TDRD9: variants seen among roughly 807,000 people sequenced by gnomAD.
TDRD9 encodes the protein ATP-dependent RNA helicase TDRD9.
In TDRD9, 124 loss-of-function variants were observed where a neutral mutation model predicts 172.6. That is an observed-to-expected ratio of 0.72 (90% CI 0.62 to 0.83). TDRD9 has a LOEUF of 0.83. TDRD9 is among the 40% of genes least tolerant of loss of function. TDRD9 has a pLI of 0.00. For synonymous variants in TDRD9, 619 were observed against 617.1 expected, an observed-to-expected ratio of 1.00 and a Z score of -0.05; for missense variants, 1,479 against 1,714.1, an observed-to-expected ratio of 0.86 and a Z score of 2.42.
Position 103,928,660 on chromosome 14 carries a change from G to A in TDRD9, c.151G>A (p.Gly51Ser), listed in dbSNP as rs965959884. The change falls in exon 1 of 36, where the codon GGT (glycine) becomes AGT (serine). Residue 51 changes from glycine to serine, a missense_variant. By Grantham distance (56) the Gly-to-Ser change is moderately conservative. This residue lies in a region of TDRD9 where 1,413 missense variants were observed against 1,649.1 expected (regional missense o/e 0.86). Transcript: ENST00000409874. ...VQRQDVAPGA[G>S]PAAQAPALAQ... ...GCGCCAGGACGTGGCCCCCGGCGCT[G>A]GTCCCGCGGCCCAGGCTCCGGCTCT... is the stretch of plus-strand genomic sequence containing the variant. The A allele has an allele frequency of 4.8e-6, 6 of 1,243,544 alleles. 1 individual carries two copies. In the Middle Eastern group the frequency reaches 1.2e-3, roughly 256 times the overall value. 77.0% of individuals were successfully genotyped at this position (1,243,544 alleles called of 1,614,324 possible).
chr14:103,994,693 G>A (rs1219452188), intron 11 of TDRD9, 90 bp downstream of exon 11: 5 of 1,051,744 alleles, frequency 4.8e-6, no homozygotes, highest in Non-Finnish European at 5.7e-6. Context: ...GGGTGTCGTG[G>A]CTCATGCGTG....
chr14:103,932,262 G>A (rs2030438860), intron 1 of TDRD9, among the ~76,000 whole-genome samples: 1 of 152,214 alleles, frequency 6.6e-6, no homozygotes, highest in Non-Finnish European at 1.5e-5. Flanking sequence ...GCCGACCTGT[G>A]AACCCCGCAC....
intron 19 of TDRD9, among the ~76,000 whole-genome samples, chr14:104,007,513 A>G (rs1454514225): frequency 6.6e-6 from 1 of 152,052 alleles, no homozygotes; most frequent in Admixed American, 6.5e-5. Flanking sequence ...GCTGTATTTC[A>G]TAGCTGTGGG....
rs1306071516 is a variant in TDRD9 at position 103,980,516 on chromosome 14, C to T, written c.1011+4963C>T. On this transcript the variant is annotated intron_variant, in intron 7 of 35. Transcript: ENST00000409874. This position sits in a 1 kb window ranked among gnomAD's most constrained non-coding sequence, Gnocchi z 4.5. ...GCCACTGCTATCTAAAAGGCAGAGCCAGGTGTACAGGATGGAACATGAAAG... is the reference window on the plus strand; with the variant it reads ...GCCACTGCTATCTAAAAGGCAGAGCTAGGTGTACAGGATGGAACATGAAAG... Among the ~76,000 whole-genome samples, 3 of 152,176 alleles carry T rather than the reference C, an allele frequency of 2.0e-5. No homozygotes were observed. Among genetic ancestry groups the T allele is most frequent in the Non-Finnish European group, 2.9e-5 (2 of 68,026 alleles).
At chr14:104,034,180 A>ATTAT in intron 31 of TDRD9, 111 bp downstream of exon 31, 1 of 345,188 alleles carries the variant, frequency 2.9e-6, no homozygotes. Context: ...ACTATGTACT[A>ATTAT]TTCTTTTTTT....
At chr14:103,941,085 T>C in intron 1 of TDRD9, 1 of 1,533,546 alleles carries the variant, frequency 6.5e-7, no homozygotes, top group African/African-American at 1.4e-5. Context: ...CATCATTTTC[T>C]GCCAAAACTT....
intron 7 of TDRD9, among the ~76,000 whole-genome samples, chr14:103,983,960 G>T (rs1229090865): frequency 6.6e-6 from 1 of 152,172 alleles, no homozygotes; most frequent in Non-Finnish European, 1.5e-5. Flanking sequence ...CTGGAGTAAA[G>T]GTGACTCTTG....
intron 1 of TDRD9, chr14:103,941,075 C>T (rs1157919859): frequency 2.0e-6 from 3 of 1,534,162 alleles, no homozygotes; most frequent in Non-Finnish European, 2.6e-6. Flanking sequence ...CATGGCAGTA[C>T]ATCATTTTCT....
intron 5 of TDRD9, among the ~76,000 whole-genome samples, chr14:103,967,469 G>T (rs10139210): frequency 0.022 from 3,358 of 151,992 alleles, 141 homozygotes; most frequent in Admixed American, 0.12. Flanking sequence ...AGGTTGCAGT[G>T]AGCTGAGTTT....
intron 4 of TDRD9, 147 bp downstream of exon 4, chr14:103,965,701 T>G (rs913476797): frequency 1.3e-6 from 1 of 740,890 alleles, no homozygotes; most frequent in Non-Finnish European, 2.2e-6. Flanking sequence ...TCCCAGCACT[T>G]TGGGAGACCG....
chr14:104,015,984 G>A lies in TDRD9; in HGVS notation c.2227G>A (p.Val743Ile). ...TGAAAATAAATTTCTTTTTCAGGTT[G>A]TATTGGCAGGTGCTTTCTATCCAAA... ...IYKQRFILQVVLAGAFYPNYF... is the reference protein window; with the variant it reads ...IYKQRFILQVILAGAFYPNYF... The change falls in exon 22 of 36, where the codon GTA (valine) becomes ATA (isoleucine). Residue 743 changes from valine to isoleucine, a missense_variant. Coordinates refer to ENST00000409874, the MANE Select transcript of TDRD9 (RefSeq NM_153046.3). 6.3e-7 allele frequency: 1 copy of A among 1,585,070 alleles called. No individual in the cohort carries two copies. The highest frequency in any genetic ancestry group is 8.6e-7 in the Non-Finnish European group (1 of 1,165,428).
intron 7 of TDRD9, among the ~76,000 whole-genome samples, chr14:103,978,781 G>GT (rs202132035): frequency 0.016 from 2,496 of 151,870 alleles, 69 homozygotes; most frequent in African/African-American, 0.057. Flanking sequence ...TCTGTTTAAT[G>GT]TTTTTTTTAA....
chr14:103,987,235 A>T (rs1373932043), intron 8 of TDRD9, among the ~76,000 whole-genome samples: 1 of 151,954 alleles, frequency 6.6e-6, no homozygotes, highest in African/African-American at 2.4e-5. Context: ...CCAGGATGTC[A>T]TGTAGTTGGG....
rs751822924 is a variant in TDRD9, at chr14:104,026,951, C to T, written c.3282+12C>T. The T allele has an allele frequency of 1.1e-5, 18 of 1,610,248 alleles. No individual in the cohort carries two copies. The East Asian group carries it at 3.4e-4, about 30-fold the overall frequency. The stretch of plus-strand genomic sequence containing the variant: ...CCTACGAGTCCAAGGTGTGTGCTTT[C>T]GCCGTTGCTGGAGCACGCGTTTGTG... On this transcript the variant is annotated intron_variant, in intron 28 of 35. Transcript: ENST00000409874.
In TDRD9 at chr14:103,995,742, T is replaced by C; in HGVS notation, c.1321-8T>C. On this transcript the variant is annotated splice_region_variant and splice_polypyrimidine_tract_variant and intron_variant, in intron 11 of 35. Transcript: ENST00000409874. ...GGAATGTCAGCTTTTTTCTTTGATG[T>C]TTAACAGATTATTCTGTCCACCAAT... is the stretch of plus-strand genomic sequence containing the variant. 6.3e-7 allele frequency: 1 copy of C among 1,595,016 alleles called. No homozygotes were observed. The highest frequency in any genetic ancestry group is 8.5e-7 in the Non-Finnish European group (1 of 1,172,388).
At chr14:103,956,109 A>C (rs376502149) in intron 2 of TDRD9, among the ~76,000 whole-genome samples, 1 of 20,760 alleles carries the variant, frequency 4.8e-5, no homozygotes, top group Non-Finnish European at 8.3e-5. Flanking sequence ...AAAAAAAAAA[A>C]AAATATATAT....
At chr14:103,963,690 C>A (rs1234355954) in intron 3 of TDRD9, among the ~76,000 whole-genome samples, 6 of 152,134 alleles carry the variant, frequency 3.9e-5, no homozygotes, top group African/African-American at 1.4e-4. Flanking sequence ...TAATTACTTG[C>A]GTGTTATTAA....
intron 1 of TDRD9, among the ~76,000 whole-genome samples, chr14:103,954,569 T>G (rs1357251053): frequency 6.6e-6 from 1 of 152,260 alleles, no homozygotes; most frequent in Non-Finnish European, 1.5e-5. Context: ...ACAAAGATTC[T>G]GAGGAAAAGT....
At position 104,040,199 on chromosome 14, in the gene TDRD9, T is replaced by TGATCA. The variant is rs1566802795; in HGVS notation, c.3723_3727dup (p.Asn1243IlefsTer56). On this transcript the variant is annotated frameshift_variant, in exon 33 of 36. Coordinates refer to ENST00000409874, the MANE Select transcript of TDRD9 (RefSeq NM_153046.3). LOFTEE classifies it high-confidence loss of function. ...CTTCTGAAAACATTCCATTTAGGAT[T>TGATCA]GATCAGAATGGCAAGTACTATACTG... is the stretch of plus-strand genomic sequence containing the variant. 6.6e-7 allele frequency: 1 copy of TGATCA among 1,523,030 alleles called. No individual in the cohort carries two copies. The highest frequency in any genetic ancestry group is 8.8e-7 in the Non-Finnish European group (1 of 1,130,862). 94.3% of individuals were successfully genotyped at this position (1,523,030 alleles called of 1,614,324 possible). A position where few individuals can be genotyped will look rare whatever the true frequency, so the allele number is the denominator to read the frequency against.
Sources: gnomAD v4.1 joint callset for allele counts (sites outside exome capture counted in the v4.1 genomes callset) on GRCh38, gnomAD v4.1.1 for gene constraint, gnomAD v4.1.1 regional missense constraint, Gnocchi (gnomAD v3.1) non-coding constraint, MANE v1.5 for transcripts, NCBI Gene and HGNC (gene_info 2026-07-23, HGNC 2026-07-21) for gene names.